DCTN4: variants seen among roughly 807,000 people sequenced by gnomAD.
DCTN4 encodes dynactin 4 (p62).
A neutral mutation model predicts 62.7 loss-of-function variants in DCTN4; 23 were observed. The ratio of observed to expected loss-of-function variants is 0.37; its 90% confidence interval spans 0.26 to 0.52. The LOEUF is 0.52. DCTN4 is among the 20% of genes least tolerant of loss of function. DCTN4 has a pLI of 0.92. For missense variants in DCTN4, 514 were observed against 580.4 expected, an observed-to-expected ratio of 0.89 and a Z score of 1.18; for synonymous variants, 199 against 202.1, an observed-to-expected ratio of 0.98 and a Z score of 0.13.
At chr5:150,727,529 C>G (rs975243990) in intron 8 of DCTN4, among the ~76,000 whole-genome samples, 1 of 152,088 alleles carries the variant, frequency 6.6e-6, no homozygotes, top group African/African-American at 2.4e-5. Flanking sequence ...GTAATCCCAG[C>G]ATTTTGGGAG....
chr5:150,730,512 C>T (rs763727094), intron 8 of DCTN4, 119 bp downstream of exon 8: 3 of 864,816 alleles, frequency 3.5e-6, no homozygotes, highest in Non-Finnish European at 5.5e-6. Context: ...AGTATGTTCT[C>T]TACAAGTATT....
At chr5:150,717,806 G>A (rs1759821455) in intron 11 of DCTN4, among the ~76,000 whole-genome samples, 1 of 152,150 alleles carries the variant, frequency 6.6e-6, no homozygotes, top group South Asian at 2.1e-4. Context: ...GGATCTGTCT[G>A]GATCACAACC....
chr5:150,758,014 G>T, intron 1 of DCTN4: 1 of 912,846 alleles, frequency 1.1e-6, no homozygotes, highest in Non-Finnish European at 1.3e-6. Context: ...TAAAGCACAT[G>T]ACATATAGCA....
chr5:150,749,321 T>C (rs191923990), intron 3 of DCTN4, among the ~76,000 whole-genome samples: 34 of 152,290 alleles, frequency 2.2e-4, no homozygotes, highest in African/African-American at 7.7e-4. Flanking sequence ...AAAAGATTTG[T>C]ACAGACAGTT....
At chr5:150,745,214 A>G (rs1332928493) in intron 3 of DCTN4, among the ~76,000 whole-genome samples, 2 of 150,342 alleles carry the variant, frequency 1.3e-5, no homozygotes, top group Non-Finnish European at 2.9e-5. Context: ...ATAATGGTAA[A>G]GGGATCAATT....
In DCTN4 at chr5:150,753,249, C is replaced by G. The variant is rs542147180; in HGVS notation, c.385+230G>C. On this transcript the variant is annotated intron_variant, in intron 3 of 12. Transcript: ENST00000447998. ...TTAATATTTTGATTCCAAGAAAGTACCAGATTTATAAAAGCTATTTTATCA... is the reference window on the plus strand; with the variant it reads ...TTAATATTTTGATTCCAAGAAAGTAGCAGATTTATAAAAGCTATTTTATCA... Among the ~76,000 whole-genome samples the G allele has an allele frequency of 8.3e-4, 127 of 152,178 alleles. No homozygotes were observed. The South Asian group carries it at 0.026, about 31-fold the overall frequency.
At chr5:150,752,114 A>G (rs999828081) in intron 3 of DCTN4, among the ~76,000 whole-genome samples, 1 of 152,174 alleles carries the variant, frequency 6.6e-6, no homozygotes, top group Non-Finnish European at 1.5e-5. Context: ...AAAAATACGG[A>G]GTTAGTGATG....
intron 3 of DCTN4, among the ~76,000 whole-genome samples, chr5:150,750,345 C>G (rs890894952): frequency 6.6e-6 from 1 of 152,298 alleles, no homozygotes; most frequent in South Asian, 2.1e-4. Flanking sequence ...TGACAAGGAA[C>G]TGGAGCTACA....
chr5:150,746,040 G>A (rs959357366), intron 3 of DCTN4, among the ~76,000 whole-genome samples: 3 of 150,582 alleles, frequency 2.0e-5, no homozygotes, highest in East Asian at 1.9e-4. Context: ...TTGATAGACC[G>A]CTAGCAAGAC....
At position 150,727,901 on chromosome 5, in the gene DCTN4, T is replaced by C. The variant is rs941897094; in HGVS notation, c.834+2730A>G. Among the ~76,000 whole-genome samples the C allele has an allele frequency of 4.6e-5, 7 of 152,180 alleles. No individual in the cohort carries two copies. The East Asian group carries it at 9.6e-4, about 21-fold the overall frequency. Reference sequence around the variant, plus strand: ...ATAAAGCATTTTAAAATATTGATATTTGATAAAAAATTGCCTTGTATAATT... The same window carrying C: ...ATAAAGCATTTTAAAATATTGATATCTGATAAAAAATTGCCTTGTATAATT... On this transcript the variant is annotated intron_variant, in intron 8 of 12. Coordinates refer to ENST00000447998, the MANE Select transcript of DCTN4 (RefSeq NM_016221.4).
At chr5:150,757,793 T>C (rs1752916243) in intron 1 of DCTN4, 1 of 152,266 alleles carries the variant, frequency 6.6e-6, no homozygotes, top group Non-Finnish European at 1.5e-5. Context: ...TGGCTTATAG[T>C]ATGTGTTTTC....
intron 3 of DCTN4, among the ~76,000 whole-genome samples, chr5:150,742,503 G>A (rs779069140): frequency 3.3e-5 from 5 of 152,146 alleles, no homozygotes; most frequent in Non-Finnish European, 2.9e-5. Context: ...AAAGTCACAC[G>A]GAGAGTAAGT....
rs182858700 is a variant in DCTN4, at chr5:150,711,828, T to C, written c.1170-466A>G. 2.3e-4 allele frequency among the ~76,000 whole-genome samples: 35 copies of C among 152,172 alleles called. No homozygotes were observed. The East Asian group carries it at 6.6e-3, about 29-fold the overall frequency. On this transcript the variant is annotated intron_variant, in intron 12 of 12. Coordinates refer to ENST00000447998, the MANE Select transcript of DCTN4 (RefSeq NM_016221.4). Reference sequence around the variant, plus strand: ...AGCCAACACGTTGGCCATATATTTTTCTATGAGCTTATACTTTTCTGCTTT... The same window carrying C: ...AGCCAACACGTTGGCCATATATTTTCCTATGAGCTTATACTTTTCTGCTTT...
At position 150,755,500 on chromosome 5, in the gene DCTN4, T is replaced by C. The variant is rs562218034; in HGVS notation, c.206+917A>G. On this transcript the variant is annotated intron_variant, in intron 2 of 12. Coordinates refer to ENST00000447998, the MANE Select transcript of DCTN4 (RefSeq NM_016221.4). ...GTGACAAGTCATAAGTATTTACCCT[T>C]GATATGATGTAATCAAAGATGGCAC... The C allele has an allele frequency of 6.2e-4, 282 of 456,280 alleles. 2 individuals are homozygous for C. The highest frequency in any genetic ancestry group is 4.6e-3 in the Middle Eastern group (14 of 3,076). The allele number at this position is 456,280 out of a possible 1,614,324, so 28.3% of individuals were successfully genotyped here. A position where few individuals can be genotyped will look rare whatever the true frequency, so the allele number is the denominator to read the frequency against.
At position 150,711,208 on chromosome 5, in the gene DCTN4, T is replaced by C; in HGVS notation, c.1324A>G (p.Thr442Ala). The C allele has an allele frequency of 6.2e-7, 1 of 1,612,690 alleles. No individual in the cohort carries two copies. The highest frequency in any genetic ancestry group is 8.5e-7 in the Non-Finnish European group (1 of 1,180,020). ...TGCTGGGTGAGCCAGATGACTTCTG[T>C]TCCCTGGTCACTTTCTTCAATGGGG... The part of the protein sequence containing the change: ...IRPIEESDQG[T>A]EVIWLTQHVE... Residue 442 changes from threonine to alanine, a missense_variant, in exon 13 of 13, where the codon ACA becomes GCA. By Grantham distance (58) the Thr-to-Ala change is moderately conservative. Coordinates refer to ENST00000447998, the MANE Select transcript of DCTN4 (RefSeq NM_016221.4).
At chr5:150,756,283 C>A in intron 2 of DCTN4, 134 bp downstream of exon 2, 1 of 516,586 alleles carries the variant, frequency 1.9e-6, no homozygotes, top group Non-Finnish European at 3.4e-6. Context: ...CCTCGTGATC[C>A]CTGCCTCCGC....
chr5:150,748,998 A>T (rs1752567126), intron 3 of DCTN4, among the ~76,000 whole-genome samples: 1 of 152,174 alleles, frequency 6.6e-6, no homozygotes, highest in Admixed American at 6.5e-5. Context: ...TTAAAACTAC[A>T]GCACTTCTAG....
At chr5:150,719,883 G>GA (rs947959968) in intron 9 of DCTN4, 113 bp from the exon 10 acceptor site, 20 of 652,712 alleles carry the variant, frequency 3.1e-5, no homozygotes, top group East Asian at 6.3e-5. Flanking sequence ...GAATGTATCA[G>GA]AAAAAAAATA....
At chr5:150,743,633 C>A (rs767113555) in intron 3 of DCTN4, among the ~76,000 whole-genome samples, 1 of 152,158 alleles carries the variant, frequency 6.6e-6, no homozygotes, top group Non-Finnish European at 1.5e-5. Flanking sequence ...CAGCAGCATT[C>A]GCGATTCACG....
Sources: allele counts gnomAD v4.1 joint callset (sites outside exome capture counted in the v4.1 genomes callset), GRCh38; gene constraint gnomAD v4.1.1; transcripts MANE v1.5; gene names NCBI Gene and HGNC (gene_info 2026-07-23, HGNC 2026-07-21).